Variants in BRINP3 observed in about 807,000 individuals in gnomAD.
The protein encoded by BRINP3 is BMP/retinoic acid-inducible neural-specific protein 3.
In BRINP3, 19 loss-of-function variants were observed where a neutral mutation model predicts 71.0. The ratio of observed to expected loss-of-function variants is 0.27; its 90% confidence interval spans 0.19 to 0.39. The LOEUF (loss-of-function observed/expected upper bound fraction) is 0.39. BRINP3 is among the 10% of genes least tolerant of loss of function. BRINP3 has a pLI of 1.00. For synonymous variants in BRINP3, 380 were observed against 337.7 expected, an observed-to-expected ratio of 1.13 and a Z score of -1.37; for missense variants, 959 against 940.8, an observed-to-expected ratio of 1.02 and a Z score of -0.25.
Position 190,457,587 on chromosome 1 carries a change from TA to T in BRINP3, c.-50-2648del, listed in dbSNP as rs531476648. On this transcript the variant is annotated intron_variant, in intron 1 of 7. Transcript: ENST00000367462. ...TAGAGGTCACCTCATCAGTCTATTA[TA>T]AAAATAGAGTGAGTTAATATTTGTA... Among the ~76,000 whole-genome samples the T allele has an allele frequency of 5.3e-5, 8 of 152,326 alleles. 1 individual carries two copies. The South Asian group carries it at 1.7e-3, about 32-fold the overall frequency.
Position 190,227,217 on chromosome 1 carries a change from CAT to C in BRINP3, c.725-901_725-900del, listed in dbSNP as rs375580658. ...AGAAAACTGAATTTTTATAATTTCA[CAT>C]GTTTTCTGTTTAACAAAAAAATCAA... On this transcript the variant is annotated intron_variant, in intron 5 of 7. Coordinates refer to ENST00000367462, the MANE Select transcript of BRINP3 (RefSeq NM_199051.3). Among the ~76,000 whole-genome samples the C allele has an allele frequency of 4.5e-4, 68 of 151,844 alleles. 1 individual carries two copies. Among genetic ancestry groups the C allele is most frequent in the Non-Finnish European group, 6.3e-4 (43 of 67,812 alleles).
chr1:190,180,245 G>C (rs911138303), intron 6 of BRINP3, among the ~76,000 whole-genome samples: 1 of 152,094 alleles, frequency 6.6e-6, no homozygotes, highest in Non-Finnish European at 1.5e-5. Flanking sequence ...CTAGGAACCA[G>C]ATAACCCCAT....
At chr1:190,226,785 A>C (rs1332152855) in intron 5 of BRINP3, among the ~76,000 whole-genome samples, 1 of 152,012 alleles carries the variant, frequency 6.6e-6, no homozygotes, top group South Asian at 2.1e-4. Flanking sequence ...TACATATTGA[A>C]TGTTGATGGT....
At chr1:190,271,580 G>A (rs1196910417) in intron 3 of BRINP3, among the ~76,000 whole-genome samples, 1 of 151,498 alleles carries the variant, frequency 6.6e-6, no homozygotes, top group Non-Finnish European at 1.5e-5. Context: ...TTTGTGATGA[G>A]AAGTTGGCCT....
intron 2 of BRINP3, among the ~76,000 whole-genome samples, chr1:190,378,950 G>C (rs1278615689): frequency 6.6e-6 from 1 of 152,144 alleles, no homozygotes; most frequent in East Asian, 1.9e-4. Context: ...TGCCTGCTAT[G>C]CCATGAATCA....
At chr1:190,174,268 T>C (rs1652288806) in intron 6 of BRINP3, among the ~76,000 whole-genome samples, 1 of 152,248 alleles carries the variant, frequency 6.6e-6, no homozygotes, top group South Asian at 2.1e-4. Context: ...CTCCAACATC[T>C]AAGTTGGTAC....
intron 6 of BRINP3, among the ~76,000 whole-genome samples, chr1:190,172,033 C>T (rs956752805): frequency 6.7e-6 from 1 of 150,352 alleles, no homozygotes; most frequent in Non-Finnish European, 1.5e-5. Context: ...CCTAGGAGTT[C>T]GAGTTTACAG....
At chr1:190,469,302 A>C (rs1676971144) in intron 1 of BRINP3, among the ~76,000 whole-genome samples, 1 of 150,976 alleles carries the variant, frequency 6.6e-6, no homozygotes, top group African/African-American at 2.4e-5. Flanking sequence ...CTGTGTCTTT[A>C]TATATTAGTG....
chr1:190,211,984 C>T (rs892066610), intron 6 of BRINP3, among the ~76,000 whole-genome samples: 1 of 152,080 alleles, frequency 6.6e-6, no homozygotes, highest in Non-Finnish European at 1.5e-5. Context: ...AATACCCTCC[C>T]TGGTACTGGA....
intron 2 of BRINP3, among the ~76,000 whole-genome samples, chr1:190,451,028 A>C (rs1011550107): frequency 6.6e-6 from 1 of 152,062 alleles, no homozygotes; most frequent in Admixed American, 6.6e-5. Context: ...CCTATTCTCA[A>C]ATTGGAGCAT....
In BRINP3 at chr1:190,097,905, T is replaced by G; in HGVS notation, c.*113A>C. ...ATTGCCATCCAATGTTATTGACTGA[T>G]ATAAGACAGATATTGAAAAGACAAT... On this transcript the variant is annotated 3_prime_UTR_variant, in exon 8 of 8. Transcript: ENST00000367462. 8.6e-7 allele frequency: 1 copy of G among 1,161,810 alleles called. No individual in the cohort carries two copies. The highest frequency in any genetic ancestry group is 1.2e-6 in the Non-Finnish European group (1 of 824,638). 72.0% of individuals were successfully genotyped at this position (1,161,810 alleles called of 1,614,324 possible).
At chr1:190,121,209 T>C (rs1653622636) in intron 7 of BRINP3, among the ~76,000 whole-genome samples, 1 of 152,164 alleles carries the variant, frequency 6.6e-6, no homozygotes, top group African/African-American at 2.4e-5. Context: ...AAGAGCAGAC[T>C]GCCACTACTG....
chr1:190,314,770 T>A (rs1192991388), intron 2 of BRINP3, among the ~76,000 whole-genome samples: 4 of 152,134 alleles, frequency 2.6e-5, no homozygotes, highest in African/African-American at 9.7e-5. Context: ...AGTACAGCAA[T>A]CAAAACAAAT....
chr1:190,276,076 T>C (rs1055071162), intron 3 of BRINP3, among the ~76,000 whole-genome samples: 5 of 151,514 alleles, frequency 3.3e-5, no homozygotes, highest in Non-Finnish European at 5.9e-5. Context: ...CTTTTCTCCC[T>C]TCAATGACAT....
intron 1 of BRINP3, among the ~76,000 whole-genome samples, chr1:190,468,557 A>G (rs531514235): frequency 2.0e-5 from 3 of 151,384 alleles, no homozygotes; most frequent in East Asian, 1.9e-4. Context: ...AAAAGGAAAC[A>G]AGAATCCTCT....
chr1:190,229,089 A>T (rs1434384459), intron 5 of BRINP3, among the ~76,000 whole-genome samples: 2 of 152,040 alleles, frequency 1.3e-5, no homozygotes, highest in Non-Finnish European at 2.9e-5. Flanking sequence ...GACAAAAATG[A>T]AGTGAGAATT....
intron 6 of BRINP3, among the ~76,000 whole-genome samples, chr1:190,207,477 C>G (rs1655611914): frequency 6.6e-6 from 1 of 152,004 alleles, no homozygotes; most frequent in South Asian, 2.1e-4. Context: ...TTTTTGCCAA[C>G]AGCAGGGTTA....
At chr1:190,322,652 A>G (rs1271539541) in intron 2 of BRINP3, among the ~76,000 whole-genome samples, 1 of 152,080 alleles carries the variant, frequency 6.6e-6, no homozygotes, top group Non-Finnish European at 1.5e-5. Context: ...ACCCTTGCCA[A>G]AGCCAACATG....
At chr1:190,457,881 T>C (rs1474868270) in intron 1 of BRINP3, among the ~76,000 whole-genome samples, 3 of 151,644 alleles carry the variant, frequency 2.0e-5, no homozygotes, top group Non-Finnish European at 4.4e-5. Flanking sequence ...CTTTATCAAA[T>C]GTGTTGAGCT....
Sources: gnomAD v4.1 joint callset for allele counts (sites outside exome capture counted in the v4.1 genomes callset) on GRCh38, gnomAD v4.1.1 for gene constraint, MANE v1.5 for transcripts, NCBI Gene and HGNC (gene_info 2026-07-23, HGNC 2026-07-21) for gene names.